Variants in MAD1L1 observed in about 807,000 individuals in gnomAD.
The protein encoded by MAD1L1 is mitotic arrest deficient 1 like 1.
In MAD1L1, 95 loss-of-function variants were observed where a neutral mutation model predicts 96.9. That is an observed-to-expected ratio of 0.98 (90% CI 0.83 to 1.16). MAD1L1 has a LOEUF of 1.16. Among genes scored for constraint, MAD1L1 ranks in the 50% most tolerant of loss-of-function variants. The pLI, the probability that MAD1L1 is intolerant of heterozygous loss-of-function variation, is 0.00. For missense variants in MAD1L1, 1,007 were observed against 954.4 expected (o/e 1.06, Z -0.73); for synonymous variants, 473 against 396.6 (o/e 1.19, Z -2.29).
At chr7:1,886,076 G>C (rs558473021) in intron 18 of MAD1L1, among the ~76,000 whole-genome samples, 1 of 152,356 alleles carries the variant, frequency 6.6e-6, no homozygotes, top group African/African-American at 2.4e-5. Flanking sequence ...CCTCATCCCA[G>C]CAACCTGCAG....
At chr7:2,000,944 G>A (rs1266126329) in intron 14 of MAD1L1, among the ~76,000 whole-genome samples, 1 of 152,160 alleles carries the variant, frequency 6.6e-6, no homozygotes, top group Non-Finnish European at 1.5e-5. Context: ...CTAGGCCCTG[G>A]TGCCCGTACC....
chr7:1,963,594 T>C (rs1238506113), intron 15 of MAD1L1, among the ~76,000 whole-genome samples: 1 of 152,172 alleles, frequency 6.6e-6, no homozygotes, highest in Non-Finnish European at 1.5e-5. Flanking sequence ...AGGAAAGCTG[T>C]AAAAACCATA....
chr7:2,036,449 T>C (rs913890375), intron 12 of MAD1L1, among the ~76,000 whole-genome samples: 20 of 152,094 alleles, frequency 1.3e-4, no homozygotes, highest in Admixed American at 1.3e-3. Flanking sequence ...TCCCTTAGGG[T>C]TGGCTCAGAG....
chr7:1,911,451 C>T (rs371270692), intron 17 of MAD1L1, among the ~76,000 whole-genome samples: 26 of 152,336 alleles, frequency 1.7e-4, no homozygotes, highest in African/African-American at 6.0e-4. Context: ...CACAGTCACT[C>T]GTGTGCAGCC....
chr7:1,839,193 C>T (rs892825858), intron 18 of MAD1L1, among the ~76,000 whole-genome samples: 12 of 151,978 alleles, frequency 7.9e-5, no homozygotes, highest in Non-Finnish European at 1.3e-4. Flanking sequence ...GCCGCAGCTT[C>T]GTGTAGGTGG....
intron 11 of MAD1L1, among the ~76,000 whole-genome samples, chr7:2,092,658 A>G (rs1786277153): frequency 6.6e-6 from 1 of 152,172 alleles, no homozygotes; most frequent in Admixed American, 6.5e-5. Context: ...CCTATTATTG[A>G]GTTTTAAGAA....
At chr7:2,037,434 G>A (rs894337939) in intron 12 of MAD1L1, among the ~76,000 whole-genome samples, 8 of 151,834 alleles carry the variant, frequency 5.3e-5, no homozygotes, top group Non-Finnish European at 8.8e-5. Flanking sequence ...TCCTGCCTTC[G>A]GCGAGGCACC....
chr7:1,825,069 G>A (rs1029136125), intron 18 of MAD1L1, among the ~76,000 whole-genome samples: 37 of 152,272 alleles, frequency 2.4e-4, no homozygotes, highest in African/African-American at 8.4e-4. Flanking sequence ...ATGGTTCTCT[G>A]CATTTTCCAG....
chr7:1,825,080 A>AT (rs954452127), intron 18 of MAD1L1, among the ~76,000 whole-genome samples: 4 of 152,162 alleles, frequency 2.6e-5, no homozygotes, highest in South Asian at 2.1e-4. Context: ...CATTTTCCAG[A>AT]TTTTTTTATA....
intron 12 of MAD1L1, among the ~76,000 whole-genome samples, chr7:2,058,014 A>C (rs4721351): frequency 0.034 from 4,276 of 125,738 alleles, 117 homozygotes; most frequent in African/African-American, 0.085. Context: ...CTGGAGAGGG[A>C]GTGTGGCCAG....
intron 16 of MAD1L1, among the ~76,000 whole-genome samples, chr7:1,956,742 A>C (rs1296627390): frequency 6.6e-6 from 1 of 152,256 alleles, no homozygotes; most frequent in Non-Finnish European, 1.5e-5. Context: ...CCGTCTGCGC[A>C]GAACAGGGAT....
chr7:1,845,070 G>C (rs747038820), intron 18 of MAD1L1, among the ~76,000 whole-genome samples: 1 of 152,246 alleles, frequency 6.6e-6, no homozygotes, highest in Non-Finnish European at 1.5e-5. Context: ...GGGCGCGGGA[G>C]GCAGGCCCTG....
chr7:2,108,556 A>G (rs1486834994), intron 11 of MAD1L1, among the ~76,000 whole-genome samples: 1 of 152,212 alleles, frequency 6.6e-6, no homozygotes, highest in Non-Finnish European at 1.5e-5. Flanking sequence ...TCAAATGAAC[A>G]TCTGTGTTTA....
intron 11 of MAD1L1, among the ~76,000 whole-genome samples, chr7:2,115,616 C>T (rs11770255): frequency 4.7e-5 from 7 of 150,322 alleles, no homozygotes; most frequent in South Asian, 2.1e-4. Context: ...GCGTGTTCCC[C>T]GGTCACAGGA....
chr7:1,881,418 A>G (rs1785675132), intron 18 of MAD1L1, among the ~76,000 whole-genome samples: 1 of 152,222 alleles, frequency 6.6e-6, no homozygotes, highest in Admixed American at 6.5e-5. Context: ...TATCCAAACT[A>G]ATAATCAATC....
At chr7:1,884,983 G>A (rs929568492) in intron 18 of MAD1L1, among the ~76,000 whole-genome samples, 9 of 152,208 alleles carry the variant, frequency 5.9e-5, no homozygotes, top group Non-Finnish European at 1.0e-4. Flanking sequence ...CTTTAGAATC[G>A]GGGATCACTG....
intron 10 of MAD1L1, among the ~76,000 whole-genome samples, chr7:2,203,818 C>T (rs935288552): frequency 1.3e-4 from 20 of 152,314 alleles, no homozygotes; most frequent in African/African-American, 4.8e-4. Flanking sequence ...CAGGCATTGC[C>T]TAGAAAGACG....
At chr7:1,936,165 C>T (rs1778587369) in intron 17 of MAD1L1, among the ~76,000 whole-genome samples, 1 of 152,242 alleles carries the variant, frequency 6.6e-6, no homozygotes, top group Non-Finnish European at 1.5e-5. Context: ...CCAGCACCAC[C>T]TCCCCACATC....
chr7:2,188,994 G>A (rs924039590), intron 10 of MAD1L1, among the ~76,000 whole-genome samples: 5 of 152,008 alleles, frequency 3.3e-5, no homozygotes, highest in Admixed American at 1.3e-4. Flanking sequence ...TGAAAATAAC[G>A]CGATTCAAGA....
Sources: allele counts gnomAD v4.1 joint callset (sites outside exome capture counted in the v4.1 genomes callset), GRCh38; gene constraint gnomAD v4.1.1; transcripts MANE v1.5; gene names NCBI Gene and HGNC (gene_info 2026-07-23, HGNC 2026-07-21).